APOBEC3D: variants seen among roughly 807,000 people sequenced by gnomAD.
APOBEC3D encodes the protein apolipoprotein B mRNA editing enzyme catalytic subunit 3D.
Under a neutral mutation model 45.6 loss-of-function variants are expected in APOBEC3D, and 37 were observed. That is an observed-to-expected ratio of 0.81 (90% CI 0.62 to 1.07). The LOEUF (loss-of-function observed/expected upper bound fraction) is 1.07. Ranked by LOEUF, APOBEC3D falls within the 50% of genes least tolerant of loss-of-function variation. The pLI is 0.00. For missense variants in APOBEC3D, 496 were observed against 495.3 expected (o/e 1.00, Z -0.01); for synonymous variants, 175 against 180.7 (o/e 0.97, Z 0.25).
intron 2 of APOBEC3D, among the ~76,000 whole-genome samples, chr22:39,024,076 A>G (rs899728570): frequency 2.6e-5 from 4 of 152,168 alleles, no homozygotes; most frequent in African/African-American, 9.7e-5. Context: ...CCCACACGCT[A>G]AAAAGGCGAC....
Position 39,032,262 on chromosome 22 carries a change from A to G in APOBEC3D, c.1107A>G (p.Gly369=), listed in dbSNP as rs776418939. ...ATGAGCCATTCAAGCCTTGGAAGGG[A>G]CTACAAACCAACTTTCGACTTCTGA... ...SDDEPFKPWK[G]LQTNFRLLKR... The change falls in exon 7 of 7, where the codon GGA becomes GGG. Residue 369 remains glycine (G), a synonymous_variant. Transcript: ENST00000216099. The G allele has an allele frequency of 1.9e-6, 3 of 1,614,112 alleles. No individual in the cohort carries two copies.
At position 39,031,883 on chromosome 22, in the gene APOBEC3D, C is replaced by T. The variant is rs745893074; in HGVS notation, c.952C>T (p.Arg318Cys). The change falls in exon 6 of 7, where the codon CGC becomes TGC. Residue 318 changes from arginine (R) to cysteine (C), a missense_variant. Physicochemically the swap from Arg to Cys is radical, Grantham distance 180. Coordinates refer to ENST00000216099, the MANE Select transcript of APOBEC3D (RefSeq NM_152426.4). Reference sequence around the variant, plus strand: ...CGTGAATCTCACCATCTTCACCGCCCGCCTCTGCTACTTCTGGGATACAGA... The same window carrying T: ...CGTGAATCTCACCATCTTCACCGCCTGCCTCTGCTACTTCTGGGATACAGA... ...SNVNLTIFTA[R>C]LCYFWDTDYQ... 14 of 1,614,074 alleles carry T rather than the reference C, an allele frequency of 8.7e-6. No individual in the cohort carries two copies. The highest frequency in any genetic ancestry group is 2.7e-5 in the African/African-American group (2 of 74,924).
intron 5 of APOBEC3D, 81 bp from the exon 6 acceptor site, chr22:39,031,613 C>T: frequency 6.4e-7 from 1 of 1,566,330 alleles, no homozygotes; most frequent in Middle Eastern, 1.7e-4. Flanking sequence ...CAGGCCTGCC[C>T]TCTTCTCCCA....
intron 3 of APOBEC3D, 73 bp from the exon 4 acceptor site, chr22:39,025,484 C>T: frequency 6.2e-7 from 1 of 1,614,006 alleles, no homozygotes; most frequent in Non-Finnish European, 8.5e-7. Flanking sequence ...AACTGACAGC[C>T]AGGAGACCAG....
At position 39,029,430 on chromosome 22, in the gene APOBEC3D, G is replaced by T. The variant is rs1925985534; in HGVS notation, c.673G>T (p.Gly225Cys). The T allele has an allele frequency of 6.2e-7, 1 of 1,614,172 alleles. No homozygotes were observed. The highest frequency in any genetic ancestry group is 8.5e-7 in the Non-Finnish European group (1 of 1,180,036). The part of the protein sequence containing the change: ...FHFKNLLKAC[G>C]RNESWLCFTM... ...CTTTAAAAACCTACTGAAAGCCTGT[G>T]GTCGGAACGAAAGCTGGCTGTGCTT... The change falls in exon 5 of 7, where the codon GGT becomes TGT. Residue 225 changes from glycine (G) to cysteine (C), a missense_variant. Gly to Cys is a radical substitution (Grantham distance 159). Coordinates refer to ENST00000216099, the MANE Select transcript of APOBEC3D (RefSeq NM_152426.4).
chr22:39,022,244 C>G (rs1227089775), intron 1 of APOBEC3D, among the ~76,000 whole-genome samples: 1 of 152,210 alleles, frequency 6.6e-6, no homozygotes, highest in Non-Finnish European at 1.5e-5. Context: ...GGAAAGGGGC[C>G]CCTGCTCCAA....
chr22:39,029,614 A>T, intron 5 of APOBEC3D, 95 bp downstream of exon 5: 1 of 1,391,814 alleles, frequency 7.2e-7, no homozygotes, highest in Non-Finnish European at 9.8e-7. Flanking sequence ...GGGCTCTGCT[A>T]TGTGTACTTT....
intron 4 of APOBEC3D, among the ~76,000 whole-genome samples, chr22:39,025,929 A>T (rs544129642): frequency 7.0e-4 from 106 of 152,174 alleles, no homozygotes; most frequent in African/African-American, 2.5e-3. Context: ...CCCTCCCCAC[A>T]GCCTGGGAGC....
rs9622907 is a variant in APOBEC3D at position 39,033,130 on chromosome 22, C to T, written c.*814C>T. On this transcript the variant is annotated 3_prime_UTR_variant, in exon 7 of 7. Transcript: ENST00000216099. ...TACTTGGGAGGATGAAGTGGGAGGA[C>T]TGCTTGAGCCGGGGAGGTGGAGGCT... 1.0e-5 allele frequency: 3 copies of T among 299,634 alleles called. No homozygotes were observed. The highest frequency in any genetic ancestry group is 4.5e-5 in the African/African-American group (2 of 44,084). The allele number at this position is 299,634 out of a possible 1,614,324, so 18.6% of individuals were successfully genotyped here. A position where few individuals can be genotyped will look rare whatever the true frequency, so the allele number is the denominator to read the frequency against.
At chr22:39,029,341 G>C (rs1455515896) in intron 4 of APOBEC3D, 22 bp from the exon 5 acceptor site, 1 of 1,613,644 alleles carries the variant, frequency 6.2e-7, no homozygotes, top group Non-Finnish European at 8.5e-7. Context: ...TCTGCACTGG[G>C]GTTTCTCTCT....
chr22:39,032,453 G>GC lies in APOBEC3D; in HGVS notation c.*143dup. 1 of 1,478,918 alleles carries GC rather than the reference G, an allele frequency of 6.8e-7. No individual in the cohort carries two copies. Among genetic ancestry groups the GC allele is most frequent in the African/African-American group, 1.4e-5 (1 of 70,964 alleles). The allele number at this position is 1,478,918 out of a possible 1,614,324, so 91.6% of individuals were successfully genotyped here. ...CCTGGCCTCAGGGCCATTCCATAGT[G>GC]CCCCCCTGCCTCACCACCTCCTCCC... On this transcript the variant is annotated 3_prime_UTR_variant, in exon 7 of 7. Transcript: ENST00000216099.
Position 39,022,928 on chromosome 22 carries a change from A to C in APOBEC3D, c.124A>C (p.Lys42Gln), listed in dbSNP as rs1256871528. The C allele has an allele frequency of 1.9e-6, 3 of 1,613,782 alleles. No individual in the cohort carries two copies. In the South Asian group the frequency reaches 3.3e-5, roughly 18 times the overall value. Residue 42 changes from lysine to glutamine, a missense_variant, in exon 2 of 7, where the codon AAG becomes CAG. Transcript: ENST00000216099. ...YTWLCYEVKIKRGRSNLLWDT... is the reference protein window; with the variant it reads ...YTWLCYEVKIQRGRSNLLWDT... ...TTGGCTGTGCTATGAAGTGAAAATA[A>C]AGAGGGGCCGCTCAAATCTCCTTTG...
rs117573240 is a variant in APOBEC3D at position 39,026,549 on chromosome 22, C to T, written c.605+878C>T. On this transcript the variant is annotated intron_variant, in intron 4 of 6. Transcript: ENST00000216099. ...AAGCTTGGGTGGGGTGTGCAGGGGT[C>T]CCCGTTCTGTGTGTCTGTCTCCCAG... is the stretch of plus-strand genomic sequence containing the variant. 7.1e-3 allele frequency among the ~76,000 whole-genome samples: 1,078 copies of T among 152,226 alleles called. 5 individuals carry two copies. Among genetic ancestry groups the T allele is most frequent in the Middle Eastern group, 0.014 (4 of 294 alleles).
intron 5 of APOBEC3D, among the ~76,000 whole-genome samples, chr22:39,030,877 G>C (rs1319069868): frequency 6.6e-6 from 1 of 152,218 alleles, no homozygotes; most frequent in Non-Finnish European, 1.5e-5. Context: ...GCCAAGCGCG[G>C]TGGCTCACGC....
rs1926302031 is a variant in APOBEC3D, at chr22:39,032,291, G to A, written c.1136G>A (p.Arg379Lys). ...GLQTNFRLLK[R>K]RLREILQ The stretch of plus-strand genomic sequence containing the variant: ...CAAACCAACTTTCGACTTCTGAAAA[G>A]AAGGCTACGGGAGATTCTCCAGTGA... The change falls in exon 7 of 7, where the codon AGA (arginine) becomes AAA (lysine). Residue 379 changes from arginine (R) to lysine (K), a missense_variant. Coordinates refer to ENST00000216099, the MANE Select transcript of APOBEC3D (RefSeq NM_152426.4). The A allele has an allele frequency of 6.2e-7, 1 of 1,614,194 alleles. No homozygotes were observed. The highest frequency in any genetic ancestry group is 1.7e-5 in the Admixed American group (1 of 60,020).
chr22:39,025,703 C>A, intron 4 of APOBEC3D, 32 bp downstream of exon 4: 1 of 1,613,496 alleles, frequency 6.2e-7, no homozygotes, highest in Middle Eastern at 1.7e-4. Flanking sequence ...CATCGTCTCT[C>A]TCCTCTCGCC....
chr22:39,028,430 ACCT>A, intron 4 of APOBEC3D, among the ~76,000 whole-genome samples: 1 of 152,202 alleles, frequency 6.6e-6, no homozygotes, highest in Admixed American at 6.5e-5. Context: ...TGCCTCTGGC[ACCT>A]CCTCTGTAAA....
At chr22:39,029,627 T>A in intron 5 of APOBEC3D, 108 bp downstream of exon 5, 12 of 1,241,512 alleles carry the variant, frequency 9.7e-6, no homozygotes, top group East Asian at 2.5e-5. Flanking sequence ...TGTACTTTCC[T>A]CTTACATTTC....
intron 2 of APOBEC3D, among the ~76,000 whole-genome samples, chr22:39,024,780 G>A (rs1246618509): frequency 1.3e-5 from 2 of 152,066 alleles, no homozygotes; most frequent in East Asian, 1.9e-4. Context: ...CAGAAAGAGG[G>A]GCTGAGGTCA....
Sources: gnomAD v4.1 joint callset for allele counts (sites outside exome capture counted in the v4.1 genomes callset) on GRCh38, gnomAD v4.1.1 for gene constraint, MANE v1.5 for transcripts, NCBI Gene and HGNC (gene_info 2026-07-23, HGNC 2026-07-21) for gene names.